The following XPR1 variants were observed in gnomAD, a reference collection of about 807,000 sequenced individuals.
The protein encoded by XPR1 is solute carrier family 53 member 1.
XPR1 carries 28 observed loss-of-function variants against 87.5 expected under a neutral mutation model. That is an observed-to-expected ratio of 0.32 (90% CI 0.24 to 0.44). XPR1 has a LOEUF of 0.44. XPR1 is among the 20% of genes least tolerant of loss of function. The probability of loss-of-function intolerance (pLI) is 1.00; values close to 1 mark genes in which losing one functional copy is unlikely to be tolerated. For synonymous variants in XPR1, 300 were observed against 306.1 expected, an observed-to-expected ratio of 0.98 and a Z score of 0.21; for missense variants, 559 against 862.3, an observed-to-expected ratio of 0.65 and a Z score of 4.41.
chr1:180,853,791 G>GTTTTTTTTTTTTTTTTTT (rs374408714), intron 11 of XPR1, among the ~76,000 whole-genome samples: 5 of 109,434 alleles, frequency 4.6e-5, no homozygotes, highest in Admixed American at 1.0e-4. Flanking sequence ...CATTCATGTG[G>GTTTTTTTTTTTTTTTTTT]TTTTTTTTTT....
chr1:180,688,866 T>A (rs1170271789), intron 2 of XPR1, among the ~76,000 whole-genome samples: 1 of 152,202 alleles, frequency 6.6e-6, no homozygotes, highest in East Asian at 1.9e-4. Context: ...TTTATTTTTT[T>A]TTAAACTGCC....
At chr1:180,766,602 A>G (rs1648296737) in intron 2 of XPR1, among the ~76,000 whole-genome samples, 1 of 152,214 alleles carries the variant, frequency 6.6e-6, no homozygotes, top group East Asian at 1.9e-4. Flanking sequence ...ACATTAAAAA[A>G]AAACCTTTTG....
chr1:180,752,463 A>G (rs1170102741), intron 2 of XPR1, among the ~76,000 whole-genome samples: 1 of 152,182 alleles, frequency 6.6e-6, no homozygotes, highest in African/African-American at 2.4e-5. Flanking sequence ...GAGCTTTAGC[A>G]GTAACAACTT....
At chr1:180,769,423 C>A (rs1444688422) in intron 2 of XPR1, among the ~76,000 whole-genome samples, 2 of 147,544 alleles carry the variant, frequency 1.4e-5, no homozygotes, top group African/African-American at 2.5e-5. Context: ...TAACCTCCCC[C>A]ACTACCCTTC....
At chr1:180,765,132 A>G (rs1648226868) in intron 2 of XPR1, among the ~76,000 whole-genome samples, 1 of 152,196 alleles carries the variant, frequency 6.6e-6, no homozygotes, top group Admixed American at 6.5e-5. Flanking sequence ...GAATTTTACA[A>G]GCATTGCCTC....
chr1:180,657,891 A>G (rs573019446), intron 1 of XPR1, among the ~76,000 whole-genome samples: 2 of 152,268 alleles, frequency 1.3e-5, no homozygotes, highest in South Asian at 4.1e-4. Context: ...TGGACATTTT[A>G]ACAATATTGA....
At chr1:180,712,553 A>G (rs1657836757) in intron 2 of XPR1, among the ~76,000 whole-genome samples, 1 of 152,194 alleles carries the variant, frequency 6.6e-6, no homozygotes, top group Admixed American at 6.5e-5. Flanking sequence ...CATGCCTGTA[A>G]TCCCAGCACT....
chr1:180,820,672 C>T (rs964470876), intron 7 of XPR1, among the ~76,000 whole-genome samples: 1 of 152,140 alleles, frequency 6.6e-6, no homozygotes, highest in Non-Finnish European at 1.5e-5. Flanking sequence ...ATTTTCCATT[C>T]CTACTAGCAG....
intron 2 of XPR1, among the ~76,000 whole-genome samples, chr1:180,768,868 C>T (rs2102063159): frequency 6.6e-6 from 1 of 152,108 alleles, no homozygotes; most frequent in East Asian, 1.9e-4. Context: ...TCATTGCAAG[C>T]AACTGAAGTT....
At position 180,880,300 on chromosome 1, in the gene XPR1, A is replaced by G; in HGVS notation, c.2030+3A>G. Reference sequence around the variant, plus strand: ...CGCCGGCCTCGCCTCGCTTCTCAGTATGTATGGCTTCTACTTCTGTGAGGC... The same window carrying G: ...CGCCGGCCTCGCCTCGCTTCTCAGTGTGTATGGCTTCTACTTCTGTGAGGC... On this transcript the variant is annotated splice_donor_region_variant and intron_variant, in intron 14 of 14. Transcript: ENST00000367590. 2.5e-6 allele frequency: 4 copies of G among 1,614,130 alleles called. No homozygotes were observed. Among genetic ancestry groups the G allele is most frequent in the East Asian group, 2.2e-5 (1 of 44,890 alleles).
At chr1:180,828,505 T>C (rs571050093) in intron 9 of XPR1, among the ~76,000 whole-genome samples, 4 of 152,292 alleles carry the variant, frequency 2.6e-5, no homozygotes, top group African/African-American at 9.6e-5. Context: ...AGTAAGCTAA[T>C]TAAAAATTTT....
chr1:180,831,985 A>G (rs1651081972), intron 9 of XPR1, among the ~76,000 whole-genome samples: 1 of 152,214 alleles, frequency 6.6e-6, no homozygotes, highest in Non-Finnish European at 1.5e-5. Flanking sequence ...GTATTCCACA[A>G]TGGTTGAACT....
chr1:180,705,268 C>A (rs954116933), intron 2 of XPR1, among the ~76,000 whole-genome samples: 1 of 152,064 alleles, frequency 6.6e-6, no homozygotes, highest in African/African-American at 2.4e-5. Context: ...AGTGCCAATT[C>A]GTGTTTCCTG....
At chr1:180,823,339 A>G (rs1232212042) in intron 7 of XPR1, among the ~76,000 whole-genome samples, 1 of 152,216 alleles carries the variant, frequency 6.6e-6, no homozygotes, top group East Asian at 1.9e-4. Context: ...ACCAAATGGA[A>G]GTGTTTCTCA....
chr1:180,847,121 G>A (rs1651713100), intron 11 of XPR1, among the ~76,000 whole-genome samples: 1 of 152,036 alleles, frequency 6.6e-6, no homozygotes, highest in Non-Finnish European at 1.5e-5. Context: ...GAATGTTGAA[G>A]TCTACACAAC....
At chr1:180,810,457 G>GT (rs1225247869) in intron 6 of XPR1, among the ~76,000 whole-genome samples, 2 of 151,932 alleles carry the variant, frequency 1.3e-5, no homozygotes, top group African/African-American at 4.8e-5. Flanking sequence ...GGCACACACA[G>GT]TAGTCCCAGC....
intron 1 of XPR1, among the ~76,000 whole-genome samples, chr1:180,641,520 AAGTT>A (rs1479136296): frequency 2.6e-5 from 4 of 152,160 alleles, no homozygotes; most frequent in African/African-American, 4.8e-5. Flanking sequence ...GCTGTGAGGT[AAGTT>A]AGTTCTCTTG....
chr1:180,730,729 TCA>T (rs1251425908), intron 2 of XPR1, among the ~76,000 whole-genome samples: 12 of 152,128 alleles, frequency 7.9e-5, no homozygotes, highest in Non-Finnish European at 1.8e-4. Flanking sequence ...AGTGGCACAA[TCA>T]CAGCTCACAG....
intron 7 of XPR1, among the ~76,000 whole-genome samples, chr1:180,822,739 G>C (rs1342433155): frequency 1.3e-5 from 2 of 151,948 alleles, no homozygotes; most frequent in African/African-American, 4.8e-5. Context: ...AAACTTATGA[G>C]AATAGATATT....
Sources: allele counts gnomAD v4.1 joint callset (sites outside exome capture counted in the v4.1 genomes callset), GRCh38; gene constraint gnomAD v4.1.1; transcripts MANE v1.5; gene names NCBI Gene and HGNC (gene_info 2026-07-23, HGNC 2026-07-21).